CFAP54: variants seen among roughly 807,000 people sequenced by gnomAD.
CFAP54 encodes the protein cilia and flagella associated protein 54.
In CFAP54, 290 loss-of-function variants were observed where a neutral mutation model predicts 370.4. The ratio of observed to expected loss-of-function variants is 0.78; its 90% CI spans 0.71 to 0.86. The LOEUF is 0.86. Ranked by LOEUF, CFAP54 falls within the 40% of genes least tolerant of loss-of-function variation. CFAP54 has a pLI of 0.00. For missense variants in CFAP54, 3,399 were observed against 3,528.7 expected (o/e 0.96, Z 0.93); for synonymous variants, 1,206 against 1,236.5 (o/e 0.98, Z 0.52).
At chr12:96,793,950 G>A (rs539438555) in intron 63 of CFAP54, among the ~76,000 whole-genome samples, 74 of 152,108 alleles carry the variant, frequency 4.9e-4, no homozygotes, top group Non-Finnish European at 8.4e-4. Context: ...TGTAGATTCA[G>A]CATTTGTTTG....
Position 96,795,417 on chromosome 12 carries a change from C to T in CFAP54, c.8850+2918C>T, listed in dbSNP as rs372007706. Reference sequence around the variant, plus strand: ...ACAATTAGGTGGGTGCAGGGTTAGGCGTGTCTAAGCCTAGACTGTCCTTGG... The same window carrying T: ...ACAATTAGGTGGGTGCAGGGTTAGGTGTGTCTAAGCCTAGACTGTCCTTGG... On this transcript the variant is annotated intron_variant, in intron 63 of 67. Transcript: ENST00000524981. Among the ~76,000 whole-genome samples the T allele has an allele frequency of 8.2e-4, 124 of 151,992 alleles. 1 individual carries two copies. The highest frequency in any genetic ancestry group is 5.8e-3 in the South Asian group (28 of 4,800).
intron 26 of CFAP54, among the ~76,000 whole-genome samples, chr12:96,617,261 A>C (rs1956429865): frequency 6.6e-6 from 1 of 152,248 alleles, no homozygotes; most frequent in African/African-American, 2.4e-5. Context: ...AGGACCTATC[A>C]GCCTGGAGCT....
At chr12:96,600,321 T>G (rs1031179010) in intron 26 of CFAP54, among the ~76,000 whole-genome samples, 5 of 151,736 alleles carry the variant, frequency 3.3e-5, no homozygotes, top group Non-Finnish European at 5.9e-5. Context: ...ATGTGTGGTG[T>G]TATTTCTGAG....
chr12:96,628,740 T>C (rs1956572027), intron 30 of CFAP54, among the ~76,000 whole-genome samples: 1 of 152,138 alleles, frequency 6.6e-6, no homozygotes, highest in Non-Finnish European at 1.5e-5. Flanking sequence ...TCATCAAAAC[T>C]GGAGCGAAGG....
rs746758577 is a variant in CFAP54, at chr12:96,689,019, A to ACAAC, written c.6081+40_6081+43dup. 6 of 1,296,874 alleles carry ACAAC rather than the reference A, an allele frequency of 4.6e-6. No individual in the cohort carries two copies. In the Admixed American group the frequency reaches 1.1e-4, roughly 23 times the overall value. 80.3% of individuals were successfully genotyped at this position (1,296,874 alleles called of 1,614,324 possible). A position where few individuals can be genotyped will look rare whatever the true frequency, so the allele number is the denominator to read the frequency against. ...TGTATGTATGTTTTTCCATTGTAGC[A>ACAAC]CAACCATTCATTGGATCAGTAAAAA... On this transcript the variant is annotated intron_variant, in intron 43 of 67. Transcript: ENST00000524981.
intron 45 of CFAP54, among the ~76,000 whole-genome samples, chr12:96,696,183 G>C (rs1203096517): frequency 1.3e-5 from 2 of 152,162 alleles, no homozygotes; most frequent in Non-Finnish European, 2.9e-5. Context: ...GGGTGGTTCA[G>C]TTACACTAGA....
At chr12:96,566,443 A>G (rs994304879) in intron 19 of CFAP54, among the ~76,000 whole-genome samples, 2 of 152,196 alleles carry the variant, frequency 1.3e-5, no homozygotes, top group Non-Finnish European at 2.9e-5. Flanking sequence ...GGTGTTCTTA[A>G]TGACAGCAGA....
chr12:96,728,721 T>G (rs1592729483), intron 50 of CFAP54, among the ~76,000 whole-genome samples: 1 of 152,214 alleles, frequency 6.6e-6, no homozygotes, highest in Non-Finnish European at 1.5e-5. Flanking sequence ...TGCTGGTGAG[T>G]AACTGTGTTC....
chr12:96,556,562 C>T (rs1180287066), intron 17 of CFAP54, among the ~76,000 whole-genome samples: 1 of 152,040 alleles, frequency 6.6e-6, no homozygotes, highest in Non-Finnish European at 1.5e-5. Context: ...GAAACCTGAA[C>T]TGCAGCTCAC....
Position 96,728,746 on chromosome 12 carries a change from A to T in CFAP54, c.6965+8181A>T, listed in dbSNP as rs1305397777. 2.6e-5 allele frequency among the ~76,000 whole-genome samples: 4 copies of T among 151,956 alleles called. No homozygotes were observed. The East Asian group carries it at 5.8e-4, about 22-fold the overall frequency. Reference sequence around the variant, plus strand: ...TAACTGTGTTCCTTTGGAGGAGGAGAGGCGCTCTGCTTTTTAGAGTTTCCA... The same window carrying T: ...TAACTGTGTTCCTTTGGAGGAGGAGTGGCGCTCTGCTTTTTAGAGTTTCCA... On this transcript the variant is annotated intron_variant, in intron 50 of 67. Coordinates refer to ENST00000524981, the MANE Select transcript of CFAP54 (RefSeq NM_001306084.2).
intron 66 of CFAP54, among the ~76,000 whole-genome samples, chr12:96,856,738 T>C (rs1423855090): frequency 2.0e-5 from 3 of 150,902 alleles, no homozygotes; most frequent in Admixed American, 1.3e-4. Flanking sequence ...AGGAAGTTCC[T>C]AACTTTTCCA....
intron 32 of CFAP54, among the ~76,000 whole-genome samples, chr12:96,631,744 TAATA>T (rs1031315413): frequency 4.8e-4 from 72 of 149,594 alleles, no homozygotes; most frequent in African/African-American, 1.8e-3. Flanking sequence ...ATATATTGTA[TAATA>T]AATTTTTTAA....
At chr12:96,500,026 A>G (rs931258589) in intron 1 of CFAP54, among the ~76,000 whole-genome samples, 28 of 152,230 alleles carry the variant, frequency 1.8e-4, no homozygotes, top group African/African-American at 6.8e-4. Context: ...CCTTATTCAT[A>G]ATTGCCAAAA....
chr12:96,720,840 G>A (rs1008482848), intron 50 of CFAP54, among the ~76,000 whole-genome samples: 3 of 151,988 alleles, frequency 2.0e-5, no homozygotes, highest in Non-Finnish European at 2.9e-5. Context: ...TGGCCAACAC[G>A]AAGAAACCCT....
At chr12:96,849,003 T>C (rs1959457415) in intron 66 of CFAP54, among the ~76,000 whole-genome samples, 1 of 152,162 alleles carries the variant, frequency 6.6e-6, no homozygotes, top group African/African-American at 2.4e-5. Context: ...TATATCTAGG[T>C]CCCTCTCATC....
chr12:96,732,179 G>T (rs1043301654), intron 50 of CFAP54, among the ~76,000 whole-genome samples: 12 of 152,128 alleles, frequency 7.9e-5, no homozygotes, highest in African/African-American at 2.7e-4. Flanking sequence ...AGGCTGGAGT[G>T]CAGTAGCAGG....
At chr12:96,651,850 C>A in intron 36 of CFAP54, 35 bp downstream of exon 36, 2 of 1,336,700 alleles carry the variant, frequency 1.5e-6, no homozygotes, top group South Asian at 1.2e-5. Flanking sequence ...TTATTATATT[C>A]AGTTAAAAAT....
In CFAP54 at chr12:96,756,579, A is replaced by G. The variant is rs566505150; in HGVS notation, c.7946+16A>G. 5 of 1,516,176 alleles carry G rather than the reference A, an allele frequency of 3.3e-6. No individual in the cohort carries two copies. In the East Asian group the frequency reaches 6.8e-5, roughly 21 times the overall value. 93.9% of individuals were successfully genotyped at this position (1,516,176 alleles called of 1,614,324 possible). A position where few individuals can be genotyped will look rare whatever the true frequency, so the allele number is the denominator to read the frequency against. On this transcript the variant is annotated intron_variant, in intron 57 of 67. Coordinates refer to ENST00000524981, the MANE Select transcript of CFAP54 (RefSeq NM_001306084.2). ...AAAACTCAGGGTAAAAAGATATTCC[A>G]TTGTTGTAGCTGTGTGTGTTTGGCT... is the stretch of plus-strand genomic sequence containing the variant.
intron 42 of CFAP54, among the ~76,000 whole-genome samples, chr12:96,686,598 A>G (rs1957332605): frequency 6.6e-6 from 1 of 152,032 alleles, no homozygotes. Flanking sequence ...AGCGAGAAAG[A>G]GTGGGAGGTG....
Sources: gnomAD v4.1 joint callset for allele counts (sites outside exome capture counted in the v4.1 genomes callset) on GRCh38, gnomAD v4.1.1 for gene constraint, MANE v1.5 for transcripts, NCBI Gene and HGNC (gene_info 2026-07-23, HGNC 2026-07-21) for gene names.